Variants in CD163L1 observed in about 807,000 individuals in gnomAD.
CD163L1 encodes the protein scavenger receptor cysteine-rich type 1 protein M160.
A neutral mutation model predicts 165.4 loss-of-function variants in CD163L1; 124 were observed. The ratio of observed to expected loss-of-function variants is 0.75; its 90% CI spans 0.65 to 0.87. The LOEUF (loss-of-function observed/expected upper bound fraction) is 0.87, where lower values mean the gene tolerates loss of function less well. CD163L1 is among the 40% of genes least tolerant of loss of function. The probability of loss-of-function intolerance (pLI) is 0.00; values close to 1 mark genes in which losing one functional copy is unlikely to be tolerated. For missense variants in CD163L1, 1,525 were observed against 1,799.9 expected (o/e 0.85, Z 2.76); for synonymous variants, 585 against 662.2 (o/e 0.88, Z 1.79).
intron 4 of CD163L1, among the ~76,000 whole-genome samples, chr12:7,421,456 C>CATATATACAT (rs1400847096): frequency 2.0e-5 from 2 of 100,234 alleles, no homozygotes; most frequent in South Asian, 3.4e-4. Flanking sequence ...CATATATGTA[C>CATATATACAT]ATATATACAT....
downstream of CD163L1, among the ~76,000 whole-genome samples, chr12:7,345,477 T>G (rs1167970341): frequency 6.6e-6 from 1 of 152,230 alleles, no homozygotes; most frequent in Non-Finnish European, 1.5e-5. Context: ...CCTGGACTTC[T>G]CTGTTCATAT....
rs540479958 is a variant in CD163L1 at position 7,431,273 on chromosome 12, C to T, written c.766+1143G>A. Among the ~76,000 whole-genome samples the T allele has an allele frequency of 3.1e-4, 47 of 151,896 alleles. No homozygotes were observed. The East Asian group carries it at 7.0e-3, about 23-fold the overall frequency. ...CCACCTCTATTAAAAATACTGTAGC[C>T]GGGCGTGGTTGCGGGTGCCTGCAGT... On this transcript the variant is annotated intron_variant, in intron 4 of 19. Coordinates refer to ENST00000313599, the MANE Select transcript of CD163L1 (RefSeq NM_174941.6).
rs1947362850 is a variant in CD163L1 at position 7,380,335 on chromosome 12, A to ACGTATACATACATGTATGTGTGTGTACG, written c.2051-1038_2051-1037insCGTACACACACATACATGTATGTATACG. Among the ~76,000 whole-genome samples, 3 of 112,484 alleles carry ACGTATACATACATGTATGTGTGTGTACG rather than the reference A, an allele frequency of 2.7e-5. No homozygotes were observed. The South Asian group carries it at 9.2e-4, about 34-fold the overall frequency. The allele number at this position is 112,484 out of a possible 152,430, so 73.8% of individuals were successfully genotyped here. ...TATACATACATATATGTATGTATAC[A>ACGTATACATACATGTATGTGTGTGTACG]CGTATACATACATGTATGTGTGTAT... On this transcript the variant is annotated intron_variant, in intron 8 of 19. Transcript: ENST00000313599.
chr12:7,318,997 G>A, the CD163L1 span, among the ~76,000 whole-genome samples: 1 of 152,116 alleles, frequency 6.6e-6, no homozygotes, highest in East Asian at 1.9e-4. Flanking sequence ...GATGATTCAA[G>A]TACATTACAT....
the CD163L1 span, chr12:7,323,590 T>A: frequency 6.3e-7 from 1 of 1,575,876 alleles, no homozygotes; most frequent in Non-Finnish European, 8.7e-7. Context: ...TGGTCATGCT[T>A]AATACAGACT....
the CD163L1 span, among the ~76,000 whole-genome samples, chr12:7,330,016 T>A: frequency 6.6e-6 from 1 of 152,218 alleles, no homozygotes; most frequent in East Asian, 1.9e-4. Context: ...AAAAGAATCT[T>A]TGTCTTGGAG....
At chr12:7,405,342 G>T (rs981552268) in intron 5 of CD163L1, among the ~76,000 whole-genome samples, 1 of 150,416 alleles carries the variant, frequency 6.6e-6, no homozygotes, top group African/African-American at 2.5e-5. Context: ...CCTAACTTTC[G>T]TCTACCTCTC....
At chr12:7,436,978 T>C (rs921038217) in intron 2 of CD163L1, among the ~76,000 whole-genome samples, 3 of 150,756 alleles carry the variant, frequency 2.0e-5, no homozygotes, top group Admixed American at 2.0e-4. Flanking sequence ...AAAATAAAAA[T>C]GTTAAAGAAC....
At chr12:7,419,339 G>T (rs1022316734) in intron 4 of CD163L1, among the ~76,000 whole-genome samples, 1 of 151,924 alleles carries the variant, frequency 6.6e-6, no homozygotes, top group Non-Finnish European at 1.5e-5. Flanking sequence ...AGCAAAATCA[G>T]CATAGAAGGG....
the CD163L1 span, among the ~76,000 whole-genome samples, chr12:7,333,746 G>A: frequency 3.9e-5 from 6 of 152,106 alleles, no homozygotes; most frequent in African/African-American, 1.4e-4. Context: ...CCACTAGCAA[G>A]ACTAATAAAG....
At chr12:7,324,277 A>G in the CD163L1 span, 1 of 1,612,324 alleles carries the variant, frequency 6.2e-7, no homozygotes, top group Non-Finnish European at 8.5e-7. Context: ...TCCCAGGACA[A>G]TCCACAGAAA....
rs756158593 is a variant in CD163L1, at chr12:7,429,504, C to T, written c.766+2912G>A. 4.9e-4 allele frequency among the ~76,000 whole-genome samples: 75 copies of T among 152,158 alleles called. 1 individual carries two copies. The highest frequency in any genetic ancestry group is 6.9e-4 in the Non-Finnish European group (47 of 67,948). On this transcript the variant is annotated intron_variant, in intron 4 of 19. Transcript: ENST00000313599. ...ATCCACCTACATATCTTCCAAGTCC[C>T]TCAAAAATGTTCCAACACTCTTAGC...
In CD163L1 at chr12:7,438,476, A is replaced by G. The variant is rs1266060521; in HGVS notation, c.124+2678T>C. The stretch of plus-strand genomic sequence containing the variant: ...ACCAAGCAGGATGTGAAAAGCTAAT[A>G]AAATAAGCTGATGAAGCTATAAACC... On this transcript the variant is annotated intron_variant, in intron 2 of 19. Coordinates refer to ENST00000313599, the MANE Select transcript of CD163L1 (RefSeq NM_174941.6). 7.2e-5 allele frequency among the ~76,000 whole-genome samples: 11 copies of G among 152,350 alleles called. No homozygotes were observed. In the East Asian group the frequency reaches 1.7e-3, roughly 24 times the overall value.
intron 4 of CD163L1, among the ~76,000 whole-genome samples, chr12:7,430,870 G>A (rs188195829): frequency 6.6e-6 from 1 of 151,912 alleles, no homozygotes; most frequent in Admixed American, 6.6e-5. Context: ...AAAGAACGCA[G>A]CAGAGATCAA....
At chr12:7,367,917 AT>A (rs753502910) in intron 17 of CD163L1, 169 bp downstream of exon 17, 452 of 560,780 alleles carry the variant, frequency 8.1e-4, no homozygotes, top group Non-Finnish European at 1.1e-3. Flanking sequence ...GAAATTGTGG[AT>A]TGGCTGATTC....
chr12:7,438,954 C>G, intron 2 of CD163L1: 1 of 1,608,694 alleles, frequency 6.2e-7, no homozygotes, highest in Non-Finnish European at 8.5e-7. Flanking sequence ...TTCTTGTTCT[C>G]TAGCTTCCTG....
intron 4 of CD163L1, among the ~76,000 whole-genome samples, chr12:7,419,713 G>A (rs1276841128): frequency 6.6e-6 from 1 of 151,870 alleles, no homozygotes; most frequent in African/African-American, 2.4e-5. Context: ...CAACAGCAGT[G>A]ACCAAGTTGA....
chr12:7,385,005 T>C (rs1034880344), intron 8 of CD163L1, among the ~76,000 whole-genome samples: 1 of 151,712 alleles, frequency 6.6e-6, no homozygotes, highest in Non-Finnish European at 1.5e-5. Context: ...CTATCAACAA[T>C]AACCTTGAAT....
Position 7,375,450 on chromosome 12 carries a change from C to G in CD163L1, c.2832G>C (p.Gly944=). 6.2e-7 allele frequency: 1 copy of G among 1,614,196 alleles called. No individual in the cohort carries two copies. Among genetic ancestry groups the G allele is most frequent in the Non-Finnish European group, 8.5e-7 (1 of 1,180,040 alleles). The change falls in exon 11 of 20, where the codon GGG becomes GGC. Residue 944 remains glycine (G), a synonymous_variant. Coordinates refer to ENST00000313599, the MANE Select transcript of CD163L1 (RefSeq NM_174941.6). ...TTCCTCCTGTGGTTGAGAGAGCAGT[C>G]CCACAGCTGAGCTGTCTGCATAGAA... ...ARVLCRQLSC[G]TALSTTGGKY... is the part of the protein sequence containing the mutation.
Sources: allele counts gnomAD v4.1 joint callset (sites outside exome capture counted in the v4.1 genomes callset), GRCh38; gene constraint gnomAD v4.1.1; transcripts MANE v1.5; gene names NCBI Gene and HGNC (gene_info 2026-07-23, HGNC 2026-07-21).